RGL1: variants seen among roughly 807,000 people sequenced by gnomAD.
The protein encoded by RGL1 is ral guanine nucleotide dissociation stimulator-like 1.
In RGL1, 24 loss-of-function variants were observed where a neutral mutation model predicts 95.2. The observed-to-expected ratio is 0.25, with a 90% CI of 0.18 to 0.35. RGL1 has a LOEUF of 0.35. RGL1 is among the 10% of genes least tolerant of loss of function. The pLI is 1.00. For synonymous variants in RGL1, 329 were observed against 344.9 expected, an observed-to-expected ratio of 0.95 and a Z score of 0.51; for missense variants, 715 against 936.3, an observed-to-expected ratio of 0.76 and a Z score of 3.08.
intron 2 of RGL1, among the ~76,000 whole-genome samples, chr1:183,793,317 T>C (rs1660527216): frequency 6.6e-6 from 1 of 152,114 alleles, no homozygotes; most frequent in South Asian, 2.1e-4. Flanking sequence ...ACATAATTCC[T>C]AAGACTATAA....
At chr1:183,701,708 A>G (rs146272628) in intron 1 of RGL1, among the ~76,000 whole-genome samples, 1,880 of 152,252 alleles carry the variant, frequency 0.012, 47 homozygotes, top group African/African-American at 0.044. Flanking sequence ...GGAGGCCAAG[A>G]CAGGCAGATC....
chr1:183,798,878 CTTTTT>C (rs35765152), intron 2 of RGL1, among the ~76,000 whole-genome samples: 1 of 88,176 alleles, frequency 1.1e-5, no homozygotes, highest in Non-Finnish European at 2.2e-5. Flanking sequence ...GCAGGATTTC[CTTTTT>C]TTTTTTTTTT....
At chr1:183,675,305 CTCTT>C (rs1285874196) in intron 1 of RGL1, among the ~76,000 whole-genome samples, 1 of 146,610 alleles carries the variant, frequency 6.8e-6, no homozygotes, top group Non-Finnish European at 1.5e-5. Flanking sequence ...TTTTTTTTTT[CTCTT>C]TGTTTTCTTT....
chr1:183,863,141 G>GAGGTGAGGTGAGGCTGGTGAGGCTGGAGC, intron 3 of RGL1, among the ~76,000 whole-genome samples: 1 of 152,088 alleles, frequency 6.6e-6, no homozygotes, highest in South Asian at 2.1e-4. Flanking sequence ...GTGGAGCAGG[G>GAGGTGAGGTGAGGCTGGTGAGGCTGGAGC]AGGAGGCTGG....
In RGL1 at chr1:183,736,039, C is replaced by G. The variant is rs190119956; in HGVS notation, c.-32-6087C>G. On this transcript the variant is annotated intron_variant, in intron 1 of 18. Transcript: ENST00000304685. ...AGGATGGGTGAGCATGTCCAAATAG[C>G]AGCTTTAAAAAGCCTCAGCACACTT... Among the ~76,000 whole-genome samples the G allele has an allele frequency of 8.5e-5, 13 of 152,326 alleles. No individual in the cohort carries two copies. In the East Asian group the frequency reaches 2.1e-3, roughly 25 times the overall value.
intron 4 of RGL1, among the ~76,000 whole-genome samples, chr1:183,877,862 G>A (rs1666596785): frequency 6.6e-6 from 1 of 152,166 alleles, no homozygotes; most frequent in Non-Finnish European, 1.5e-5. Context: ...TAATGTGGAC[G>A]AAGGCTCCTC....
chr1:183,865,099 C>A (rs919653832), intron 3 of RGL1, among the ~76,000 whole-genome samples: 1 of 152,140 alleles, frequency 6.6e-6, no homozygotes, highest in Non-Finnish European at 1.5e-5. Context: ...ATAGTCTAGG[C>A]ATTATAAGTT....
intron 2 of RGL1, among the ~76,000 whole-genome samples, chr1:183,845,099 G>A (rs11585293): frequency 2.0e-5 from 3 of 152,094 alleles, no homozygotes; most frequent in African/African-American, 7.2e-5. Flanking sequence ...CATCATTAGA[G>A]ATCCACTTCT....
At chr1:183,803,558 C>T (rs967910394), upstream of RGL1, among the ~76,000 whole-genome samples, 2 of 152,114 alleles carry the variant, frequency 1.3e-5, no homozygotes, top group Admixed American at 6.5e-5. Flanking sequence ...CTGAGTGGGG[C>T]CTTGTGAATT....
intron 2 of RGL1, among the ~76,000 whole-genome samples, chr1:183,846,335 T>G (rs528626334): frequency 1.6e-4 from 24 of 150,286 alleles, no homozygotes; most frequent in African/African-American, 5.9e-4. Context: ...TAAGTGGGAG[T>G]TGAACAATGA....
At chr1:183,887,291 C>T (rs757388358) in intron 7 of RGL1, among the ~76,000 whole-genome samples, 7 of 147,694 alleles carry the variant, frequency 4.7e-5, no homozygotes, top group Non-Finnish European at 1.0e-4. Flanking sequence ...TTATTAAGTA[C>T]TTTGGCATTT....
At chr1:183,660,222 G>A (rs1249489032) in intron 1 of RGL1, among the ~76,000 whole-genome samples, 1 of 152,182 alleles carries the variant, frequency 6.6e-6, no homozygotes, top group Non-Finnish European at 1.5e-5. Context: ...AATTTTAAAT[G>A]TAAATGGACT....
intron 2 of RGL1, among the ~76,000 whole-genome samples, chr1:183,749,142 G>T (rs1159913438): frequency 9.9e-5 from 15 of 152,162 alleles, no homozygotes; most frequent in African/African-American, 3.4e-4. Flanking sequence ...AGGTCCGCTT[G>T]GTCCAGAGCT....
intron 2 of RGL1, among the ~76,000 whole-genome samples, chr1:183,790,190 G>A (rs1266259590): frequency 6.6e-6 from 1 of 152,120 alleles, no homozygotes; most frequent in Non-Finnish European, 1.5e-5. Flanking sequence ...GCCTCCCAAA[G>A]TGTTGGGATT....
At position 183,877,337 on chromosome 1, in the gene RGL1, G is replaced by T. The variant is rs543655816; in HGVS notation, c.426-3279G>T. On this transcript the variant is annotated intron_variant, in intron 4 of 17. Transcript: ENST00000360851. ...GATCTTAGGACTGGAGCCAGGCTGGGTAAGACCGAAAAGCCATTGGCCAGT... is the reference window on the plus strand; with the variant it reads ...GATCTTAGGACTGGAGCCAGGCTGGTTAAGACCGAAAAGCCATTGGCCAGT... 3.9e-5 allele frequency among the ~76,000 whole-genome samples: 6 copies of T among 152,330 alleles called. No individual in the cohort carries two copies. The East Asian group carries it at 9.6e-4, about 24-fold the overall frequency.
chr1:183,908,534 C>T (rs956426785), intron 14 of RGL1, among the ~76,000 whole-genome samples: 1 of 152,182 alleles, frequency 6.6e-6, no homozygotes, highest in African/African-American at 2.4e-5. Context: ...TTGGAGTCAG[C>T]TCTTGAGGAG....
At chr1:183,806,652 G>T (rs1661366515) in intron 2 of RGL1, among the ~76,000 whole-genome samples, 167 bp downstream of exon 2, 1 of 151,110 alleles carries the variant, frequency 6.6e-6, no homozygotes, top group Admixed American at 6.6e-5. Flanking sequence ...GTCTCTTTTT[G>T]TATTTAATGT....
intron 1 of RGL1, chr1:183,636,537 G>A (rs960310093): frequency 4.1e-5 from 8 of 194,782 alleles, no homozygotes; most frequent in Non-Finnish European, 7.2e-5. Flanking sequence ...GAACGTGTCC[G>A]GGCAGGCGCT....
At chr1:183,865,621 G>A (rs1290318359) in intron 3 of RGL1, among the ~76,000 whole-genome samples, 17 of 152,200 alleles carry the variant, frequency 1.1e-4, no homozygotes, top group Admixed American at 1.1e-3. Context: ...GACATGCAGA[G>A]GGGTTGGACG....
Sources: gnomAD v4.1 joint callset for allele counts (sites outside exome capture counted in the v4.1 genomes callset) on GRCh38, gnomAD v4.1.1 for gene constraint, MANE v1.5 for transcripts, NCBI Gene and HGNC (gene_info 2026-07-23, HGNC 2026-07-21) for gene names.